BEAN1: variants seen among roughly 807,000 people sequenced by gnomAD.
BEAN1 encodes the protein brain expressed associated with NEDD4 1, also known as protein BEAN1.
In BEAN1, 17 loss-of-function variants were observed where a neutral mutation model predicts 17.7. The ratio of observed to expected loss-of-function variants is 0.96; its 90% confidence interval spans 0.66 to 1.44. The LOEUF is 1.44. Ranked by LOEUF, BEAN1 falls within the 40% of genes most tolerant of loss-of-function variation. The pLI is 0.00. For synonymous variants in BEAN1, 142 were observed against 151.8 expected (o/e 0.94, Z 0.47); for missense variants, 359 against 374.1 (o/e 0.96, Z 0.33).
intron 4 of BEAN1, among the ~76,000 whole-genome samples, chr16:66,491,411 G>A (rs990848347): frequency 6.6e-6 from 1 of 152,224 alleles, no homozygotes; most frequent in African/African-American, 2.4e-5. Flanking sequence ...CTGAGCAAGG[G>A]GGATTCAGCC....
At chr16:66,476,483 C>G (rs1398846522) in intron 3 of BEAN1, 2 of 152,362 alleles carry the variant, frequency 1.3e-5, no homozygotes, top group Non-Finnish European at 2.9e-5. Flanking sequence ...GTTATAGCTC[C>G]GCCCCTGATG....
Position 66,442,742 on chromosome 16 carries a change from T to C in BEAN1, c.25+5041T>C, listed in dbSNP as rs1196350308. Among the ~76,000 whole-genome samples, 5 of 152,202 alleles carry C rather than the reference T, an allele frequency of 3.3e-5. No homozygotes were observed. In the South Asian group the frequency reaches 6.2e-4, roughly 19 times the overall value. On this transcript the variant is annotated intron_variant, in intron 2 of 4. Coordinates refer to ENST00000536005, the MANE Select transcript of BEAN1 (RefSeq NM_001178020.3). ...CACCCTTTTGGTTTGGTGCTCGAAATTGACATGCTACACGGAGAGTCTAGC... is the reference window on the plus strand; with the variant it reads ...CACCCTTTTGGTTTGGTGCTCGAAACTGACATGCTACACGGAGAGTCTAGC...
intron 2 of BEAN1, among the ~76,000 whole-genome samples, chr16:66,461,418 C>T (rs772766927): frequency 2.0e-5 from 3 of 152,258 alleles, no homozygotes; most frequent in South Asian, 2.1e-4. Context: ...TGCCATCTCC[C>T]GCCCATCTGG....
chr16:66,436,443 A>ATTT (rs71145925), intron 1 of BEAN1, among the ~76,000 whole-genome samples: 2 of 121,404 alleles, frequency 1.6e-5, no homozygotes, highest in Non-Finnish European at 3.5e-5. Flanking sequence ...AATTTTTTGT[A>ATTT]TTTTTTTTTT....
intron 2 of BEAN1, among the ~76,000 whole-genome samples, chr16:66,465,838 T>G (rs1963242531): frequency 6.6e-6 from 1 of 152,250 alleles, no homozygotes; most frequent in Non-Finnish European, 1.5e-5. Context: ...GTGTATTTCT[T>G]GGAATTTGCA....
At position 66,442,405 on chromosome 16, in the gene BEAN1, G is replaced by A. The variant is rs927168943; in HGVS notation, c.25+4704G>A. On this transcript the variant is annotated intron_variant, in intron 2 of 4. Coordinates refer to ENST00000536005, the MANE Select transcript of BEAN1 (RefSeq NM_001178020.3). Reference sequence around the variant, plus strand: ...CTTTGGGAACAGATCTAAGGAAGGAGGGGTTTGGGGGCCCCAGAAGAGACT... The same window carrying A: ...CTTTGGGAACAGATCTAAGGAAGGAAGGGTTTGGGGGCCCCAGAAGAGACT... Among the ~76,000 whole-genome samples the A allele has an allele frequency of 5.3e-5, 8 of 152,232 alleles. 1 individual carries two copies. The South Asian group carries it at 1.7e-3, about 32-fold the overall frequency.
At chr16:66,484,808 C>G (rs560571736), downstream of BEAN1, 1 of 454,108 alleles carries the variant, frequency 2.2e-6, no homozygotes, top group South Asian at 1.6e-5. The surrounding 1 kb of genome is among the most constrained non-coding windows in gnomAD (Gnocchi z 4.2). Context: ...AAGTGACGCC[C>G]GCCCTCAGGT....
At chr16:66,480,042 C>G (rs1315439688) in intron 4 of BEAN1, among the ~76,000 whole-genome samples, 1 of 152,148 alleles carries the variant, frequency 6.6e-6, no homozygotes, top group Non-Finnish European at 1.5e-5. Flanking sequence ...ATGAATGGCC[C>G]GTGTCCTCCT....
intron 2 of BEAN1, among the ~76,000 whole-genome samples, chr16:66,439,211 C>T (rs527334675): frequency 3.3e-5 from 5 of 152,222 alleles, no homozygotes; most frequent in East Asian, 3.9e-4. Flanking sequence ...TGGTGGAGCT[C>T]GGCCTGGCTG....
Position 66,437,618 on chromosome 16 carries a change from G to C in BEAN1, c.-59G>C. 2.0e-6 allele frequency: 3 copies of C among 1,515,916 alleles called. No individual in the cohort carries two copies. The highest frequency in any genetic ancestry group is 2.0e-5 in the Admixed American group (1 of 50,834). 93.9% of individuals were successfully genotyped at this position (1,515,916 alleles called of 1,614,324 possible). A position where few individuals can be genotyped will look rare whatever the true frequency, so the allele number is the denominator to read the frequency against. On this transcript the variant is annotated 5_prime_UTR_variant, in exon 2 of 5. Transcript: ENST00000536005. ...AGGTGAGTGGAGGGGCCTTCCCTGC[G>C]AGAAGTCAGAGCTGTGCCCGTGGGC... is the stretch of plus-strand genomic sequence containing the variant.
intron 2 of BEAN1, among the ~76,000 whole-genome samples, chr16:66,455,671 C>G (rs140103077): frequency 6.7e-6 from 1 of 149,658 alleles, no homozygotes; most frequent in African/African-American, 2.5e-5. Context: ...TGCAGCAACA[C>G]GCTTATAATA....
chr16:66,488,260 G>A (rs1414463331), intron 4 of BEAN1, among the ~76,000 whole-genome samples: 1 of 152,024 alleles, frequency 6.6e-6, no homozygotes, highest in Non-Finnish European at 1.5e-5. Context: ...CCAATATGTG[G>A]AATTTTAGCT....
chr16:66,443,031 A>G (rs1039025557), intron 2 of BEAN1, among the ~76,000 whole-genome samples: 13 of 152,042 alleles, frequency 8.6e-5, no homozygotes, highest in Admixed American at 8.5e-4. Flanking sequence ...TGCAAAATTC[A>G]CCACTTCTGC....
rs1215613703 is a variant in BEAN1, at chr16:66,471,090, A to G, written c.289+1225A>G. ...GGAAAAGCTTGGGGAAAAGAAAGATAGGAAAAATTTTTAAAATAGATTGAA... is the reference window on the plus strand; with the variant it reads ...GGAAAAGCTTGGGGAAAAGAAAGATGGGAAAAATTTTTAAAATAGATTGAA... On this transcript the variant is annotated intron_variant, in intron 3 of 4. Coordinates refer to ENST00000536005, the MANE Select transcript of BEAN1 (RefSeq NM_001178020.3). The surrounding 1 kb of genome is among the most constrained non-coding windows in gnomAD (Gnocchi z 4.7). Among the ~76,000 whole-genome samples the G allele has an allele frequency of 6.6e-6, 1 of 152,216 alleles. No individual in the cohort carries two copies. The highest frequency in any genetic ancestry group is 1.5e-5 in the Non-Finnish European group (1 of 68,034).
At chr16:66,430,995 G>A (rs1321474623) in intron 1 of BEAN1, among the ~76,000 whole-genome samples, 1 of 152,082 alleles carries the variant, frequency 6.6e-6, no homozygotes, top group African/African-American at 2.4e-5. Flanking sequence ...TCAAATATTT[G>A]GCAAATAGGA....
At chr16:66,470,018 C>T (rs772433933) in intron 3 of BEAN1, 153 bp downstream of exon 3, 42 of 1,069,436 alleles carry the variant, frequency 3.9e-5, no homozygotes, top group Non-Finnish European at 5.4e-5. Flanking sequence ...AGCTCACAGG[C>T]GCCCACCATA....
At chr16:66,493,605 C>T (rs1229921288), downstream of BEAN1, 15 of 539,322 alleles carry the variant, frequency 2.8e-5, no homozygotes, top group Admixed American at 2.4e-4. Flanking sequence ...GGCCCTTCAT[C>T]GGGTGAGGTG....
intron 2 of BEAN1, among the ~76,000 whole-genome samples, chr16:66,450,419 A>G (rs1962627992): frequency 6.6e-6 from 1 of 152,190 alleles, no homozygotes; most frequent in Non-Finnish European, 1.5e-5. Context: ...TACTGCAAAA[A>G]TCTTTGCAGG....
intron 1 of BEAN1, among the ~76,000 whole-genome samples, chr16:66,432,867 C>G (rs939330875): frequency 6.6e-6 from 1 of 152,206 alleles, no homozygotes; most frequent in Non-Finnish European, 1.5e-5. Flanking sequence ...CCAGTCTCTG[C>G]TTACCTGCAC....
Sources: gnomAD v4.1 joint callset for allele counts (sites outside exome capture counted in the v4.1 genomes callset) on GRCh38, gnomAD v4.1.1 for gene constraint, Gnocchi (gnomAD v3.1) non-coding constraint, MANE v1.5 for transcripts, NCBI Gene and HGNC (gene_info 2026-07-23, HGNC 2026-07-21) for gene names.